RAB27A: variants seen among roughly 807,000 people sequenced by gnomAD.
RAB27A encodes ras-related protein Rab-27A.
In RAB27A, 17 loss-of-function variants were observed where a neutral mutation model predicts 20.8. The observed-to-expected ratio is 0.82, with a 90% CI of 0.56 to 1.23. The LOEUF is 1.23. Among genes scored for constraint, RAB27A ranks in the 50% most tolerant of loss-of-function variants. The pLI is 0.00. For missense variants in RAB27A, 277 were observed against 266.7 expected (o/e 1.04, Z -0.27); for synonymous variants, 85 against 92.8 (o/e 0.92, Z 0.48).
At chr15:55,213,626 T>C (rs1463876217) in intron 6 of RAB27A, among the ~76,000 whole-genome samples, 1 of 152,212 alleles carries the variant, frequency 6.6e-6, no homozygotes, top group East Asian at 1.9e-4. Context: ...CTCTGTCTCC[T>C]GTCAGATTAG....
intron 2 of RAB27A, among the ~76,000 whole-genome samples, chr15:55,255,810 C>T (rs992803089): frequency 5.3e-5 from 8 of 152,006 alleles, no homozygotes; most frequent in East Asian, 3.9e-4. Context: ...CGAAAAAGGA[C>T]GGATAAGACA....
intron 2 of RAB27A, among the ~76,000 whole-genome samples, chr15:55,294,823 A>G (rs1411388672): frequency 6.6e-6 from 1 of 152,102 alleles, no homozygotes; most frequent in African/African-American, 2.4e-5. Context: ...AACAGAAGAA[A>G]AGAGTAGATT....
intron 6 of RAB27A, among the ~76,000 whole-genome samples, chr15:55,213,868 G>C (rs919960161): frequency 6.6e-6 from 1 of 152,162 alleles, no homozygotes; most frequent in African/African-American, 2.4e-5. Flanking sequence ...AATGATAATA[G>C]AAATAAAGTG....
At chr15:55,303,001 C>CTCA (rs2054980003) in intron 2 of RAB27A, among the ~76,000 whole-genome samples, 1 of 143,804 alleles carries the variant, frequency 7.0e-6, no homozygotes, top group African/African-American at 2.7e-5. Context: ...GTCAACCCCC[C>CTCA]GCCCGGCCAG....
At chr15:55,274,819 T>TATATATATATATATATATATATAG in intron 1 of RAB27A, among the ~76,000 whole-genome samples, 1 of 136,850 alleles carries the variant, frequency 7.3e-6, no homozygotes, top group Non-Finnish European at 1.6e-5. Context: ...TATATATATA[T>TATATATATATATATATATATATAG]ATATATGTAT....
At chr15:55,307,801 A>C (rs1427269352) in intron 2 of RAB27A, among the ~76,000 whole-genome samples, 1 of 150,878 alleles carries the variant, frequency 6.6e-6, no homozygotes, top group East Asian at 2.0e-4. Context: ...GCGATAAGGC[A>C]GGGGATTATT....
chr15:55,223,171 A>T (rs780396119), intron 6 of RAB27A, among the ~76,000 whole-genome samples: 6 of 152,164 alleles, frequency 3.9e-5, no homozygotes, highest in Non-Finnish European at 7.4e-5. Context: ...CCCTTCTTAT[A>T]TGCTAGCATT....
intron 1 of RAB27A, among the ~76,000 whole-genome samples, chr15:55,278,380 C>G (rs1348684927): frequency 6.6e-6 from 1 of 152,126 alleles, no homozygotes; most frequent in Non-Finnish European, 1.5e-5. Flanking sequence ...CAGCCTGCCA[C>G]CTCACAAAGA....
intron 1 of RAB27A, among the ~76,000 whole-genome samples, chr15:55,281,924 A>C (rs1325240928): frequency 1.3e-5 from 2 of 152,150 alleles, no homozygotes; most frequent in African/African-American, 4.8e-5. Flanking sequence ...CATGCTCCTC[A>C]AGAGTGTGAG....
At chr15:55,300,083 G>A (rs941297296) in intron 2 of RAB27A, among the ~76,000 whole-genome samples, 2 of 152,014 alleles carry the variant, frequency 1.3e-5, no homozygotes, top group African/African-American at 2.4e-5. Flanking sequence ...GCCTCCCAAA[G>A]TGCTGGGATT....
chr15:55,317,794 G>A, intron 1 of RAB27A: 1 of 398,124 alleles, frequency 2.5e-6, no homozygotes, highest in Admixed American at 4.4e-5. Flanking sequence ...CCTAAACATT[G>A]CTGCAACAAA....
At chr15:55,300,470 G>A (rs1364046681) in intron 2 of RAB27A, among the ~76,000 whole-genome samples, 10 of 152,084 alleles carry the variant, frequency 6.6e-5, no homozygotes, top group Non-Finnish European at 1.2e-4. Context: ...ACCTGAGGTC[G>A]GGAGTTTGAG....
chr15:55,310,944 G>A (rs919660802), intron 2 of RAB27A, among the ~76,000 whole-genome samples: 1 of 152,174 alleles, frequency 6.6e-6, no homozygotes, highest in African/African-American at 2.4e-5. Context: ...GGACATCATT[G>A]CCAATAATTC....
intron 6 of RAB27A, among the ~76,000 whole-genome samples, chr15:55,210,075 T>TATATAC (rs1894913548): frequency 1.7e-5 from 2 of 114,308 alleles, no homozygotes; most frequent in South Asian, 5.9e-4. Context: ...TGTGTACATA[T>TATATAC]ACATATATAC....
At chr15:55,302,444 C>T (rs897597769) in intron 2 of RAB27A, among the ~76,000 whole-genome samples, 6 of 152,140 alleles carry the variant, frequency 3.9e-5, no homozygotes, top group African/African-American at 1.4e-4. Context: ...CTCCCAGCCG[C>T]CTGCCTTGGC....
At chr15:55,288,710 G>A (rs1898225356) in intron 1 of RAB27A, 1 of 151,620 alleles carries the variant, frequency 6.6e-6, no homozygotes, top group African/African-American at 2.4e-5. Context: ...AGAAAATAAT[G>A]ATCCTCAGTC....
At chr15:55,243,135 G>T (rs1275002596) in intron 2 of RAB27A, among the ~76,000 whole-genome samples, 1 of 152,126 alleles carries the variant, frequency 6.6e-6, no homozygotes, top group African/African-American at 2.4e-5. Flanking sequence ...GATGGGCTCT[G>T]CCAAGGACAG....
chr15:55,284,410 C>T (rs1273946750), intron 1 of RAB27A, among the ~76,000 whole-genome samples: 3 of 152,062 alleles, frequency 2.0e-5, no homozygotes, highest in Admixed American at 1.3e-4. Context: ...AGTAAGACCA[C>T]CTTAATCAAA....
At chr15:55,238,661 T>C (rs886539505) in intron 2 of RAB27A, among the ~76,000 whole-genome samples, 2 of 144,018 alleles carry the variant, frequency 1.4e-5, no homozygotes, top group Non-Finnish European at 2.9e-5. Flanking sequence ...CTAGAACAAA[T>C]TTCAGATTGA....
Sources: gnomAD v4.1 joint callset for allele counts (sites outside exome capture counted in the v4.1 genomes callset) on GRCh38, gnomAD v4.1.1 for gene constraint, MANE v1.5 for transcripts, NCBI Gene and HGNC (gene_info 2026-07-23, HGNC 2026-07-21) for gene names.